GPATCH3: variants seen among roughly 807,000 people sequenced by gnomAD.
The protein encoded by GPATCH3 is G patch domain-containing protein 3.
GPATCH3 carries 45 observed loss-of-function variants against 53.2 expected under a neutral mutation model. The observed-to-expected ratio is 0.85, with a 90% CI of 0.67 to 1.08. The LOEUF (loss-of-function observed/expected upper bound fraction) is 1.08, where lower values mean the gene tolerates loss of function less well. Among genes scored for constraint, GPATCH3 ranks in the 50% least tolerant of loss-of-function variants. The pLI is 0.00. For synonymous variants in GPATCH3, 280 were observed against 270.6 expected (o/e 1.03, Z -0.34); for missense variants, 680 against 687.2 (o/e 0.99, Z 0.12).
At chr1:26,891,324 T>C (rs2081924661) in intron 6 of GPATCH3, 98 bp from the exon 7 acceptor site, 2 of 894,574 alleles carry the variant, frequency 2.2e-6, no homozygotes, top group Non-Finnish European at 3.4e-6. Flanking sequence ...ATCTGGTTTG[T>C]CCAAAGACAG....
rs760675157 is a variant in GPATCH3 at position 26,900,100 on chromosome 1, G to A, written c.343C>T (p.Gln115Ter). ...VISVRGLAQA[Q>*]RLIRMYSGRR... ...CCCGAGTACATGCGAATAAGCCTCT[G>A]AGCTTGAGCCAACCCCCTTACCGAG... The change falls in exon 1 of 7, where the codon CAG becomes TAG. Residue 115 changes from glutamine to a stop codon, truncating the protein, a stop_gained. Transcript: ENST00000361720. LOFTEE classifies it high-confidence loss of function. 1 of 1,614,168 alleles carries A rather than the reference G, an allele frequency of 6.2e-7. No individual in the cohort carries two copies. Among genetic ancestry groups the A allele is most frequent in the Admixed American group, 1.7e-5 (1 of 60,008 alleles).
chr1:26,891,106 G>A lies in GPATCH3; in HGVS notation c.1482C>T (p.Leu494=). Residue 494 remains leucine, a synonymous_variant, in exon 7 of 7, where the codon CTC becomes CTT. Transcript: ENST00000361720. ...TCATGCTGGTGGGTGGCTGGCGGCG[G>A]AGCAGTGACTCCGTCTGGTCTTGGG... The part of the protein sequence containing the change: ...PLPQDQTESL[L]RRQPPTSMKF... The A allele has an allele frequency of 6.2e-7, 1 of 1,614,158 alleles. No homozygotes were observed. Among genetic ancestry groups the A allele is most frequent in the Non-Finnish European group, 8.5e-7 (1 of 1,180,028 alleles).
At chr1:26,893,501 T>A in intron 3 of GPATCH3, 53 bp from the exon 4 acceptor site, 1 of 1,337,370 alleles carries the variant, frequency 7.5e-7, no homozygotes, top group Admixed American at 1.7e-5. Flanking sequence ...CTCAGTTCTA[T>A]TAAGAGTTAA....
At chr1:26,893,112 C>G (rs2081935883) in intron 4 of GPATCH3, among the ~76,000 whole-genome samples, 1 of 152,204 alleles carries the variant, frequency 6.6e-6, no homozygotes, top group South Asian at 2.1e-4. Flanking sequence ...AGAGCCTGAG[C>G]TTCTGACCAG....
intron 2 of GPATCH3, among the ~76,000 whole-genome samples, chr1:26,896,418 G>A (rs886858485): frequency 4.6e-5 from 7 of 151,460 alleles, no homozygotes; most frequent in African/African-American, 1.5e-4. Context: ...TGGGCCTGGC[G>A]CAGTGGGTCA....
chr1:26,892,287 T>G (rs2081931083), intron 6 of GPATCH3, 124 bp downstream of exon 6: 25 of 1,232,650 alleles, frequency 2.0e-5, no homozygotes, highest in Non-Finnish European at 2.8e-5. Flanking sequence ...CTTTTTCCTC[T>G]TAACTGTTTT....
At position 26,897,526 on chromosome 1, in the gene GPATCH3, G is replaced by C. The variant is rs1245951960; in HGVS notation, c.651C>G (p.Thr217=). The change falls in exon 2 of 7, where the codon ACC becomes ACG. Residue 217 remains threonine (T), a synonymous_variant. Transcript: ENST00000361720. ...TCTTGGGGAACTGGAGCTGCAGCTG[G>C]GTGATGATCCGAGGGGGTAGGCGGC... The part of the protein sequence containing the change: ...RACRLPPRII[T]QLQLQFPKTG... 6.2e-7 allele frequency: 1 copy of C among 1,614,098 alleles called. No homozygotes were observed. The highest frequency in any genetic ancestry group is 1.3e-5 in the African/African-American group (1 of 74,924).
Position 26,900,043 on chromosome 1 carries a change from G to C in GPATCH3, c.400C>G (p.Leu134Val). The C allele has an allele frequency of 1.9e-6, 3 of 1,614,202 alleles. No homozygotes were observed. Among genetic ancestry groups the C allele is most frequent in the Non-Finnish European group, 2.5e-6 (3 of 1,180,040 alleles). The change falls in exon 1 of 7, where the codon CTA becomes GTA. Residue 134 changes from leucine (L) to valine (V), a missense_variant. Transcript: ENST00000361720. ...RRWLDSHGTW[L>V]PGRCLIRRLR... ...CTGCGGATGAGACAGCGACCCGGTA[G>C]CCAAGTCCCGTGAGAATCCAGCCAC... is the stretch of plus-strand genomic sequence containing the variant.
Position 26,892,655 on chromosome 1 carries a change from A to C in GPATCH3, c.1233+15T>G. ...AAAGAGAGGGGTCCATGGGGTGGGC[A>C]CAGTGCTAACTCACCTTGGTGTGGC... On this transcript the variant is annotated intron_variant, in intron 5 of 6. Coordinates refer to ENST00000361720, the MANE Select transcript of GPATCH3 (RefSeq NM_022078.3). 1 of 1,614,064 alleles carries C rather than the reference A, an allele frequency of 6.2e-7. No individual in the cohort carries two copies. The highest frequency in any genetic ancestry group is 1.3e-5 in the African/African-American group (1 of 75,050).
intron 2 of GPATCH3, among the ~76,000 whole-genome samples, chr1:26,894,792 A>C (rs1275504509): frequency 6.6e-6 from 1 of 152,146 alleles, no homozygotes; most frequent in African/African-American, 2.4e-5. Context: ...TCCCAATGCT[A>C]ATCAGTACAC....
chr1:26,894,657 AC>A (rs1293942468), intron 2 of GPATCH3, among the ~76,000 whole-genome samples: 1 of 152,008 alleles, frequency 6.6e-6, no homozygotes, highest in Non-Finnish European at 1.5e-5. Flanking sequence ...TGCCTGAAAT[AC>A]CCACTTTCCT....
chr1:26,897,472 C>CCCTCAT lies in GPATCH3; in HGVS notation c.704_705insATGAGG (p.Val235_Pro236insTer). The stretch of plus-strand genomic sequence containing the variant: ...TCTCTGAGTCCTCATACTCAAAAGG[C>CCCTCAT]ACATTGCCGTAGCGCCGGGAGGAAC... On this transcript the variant is annotated stop_gained and inframe_insertion, in exon 2 of 7. Coordinates refer to ENST00000361720, the MANE Select transcript of GPATCH3 (RefSeq NM_022078.3). LOFTEE classifies it high-confidence loss of function. 6.2e-7 allele frequency: 1 copy of CCCTCAT among 1,614,222 alleles called. No individual in the cohort carries two copies.
Position 26,892,535 on chromosome 1 carries a change from T to C in GPATCH3, c.1237A>G (p.Ile413Val), listed in dbSNP as rs748328446. The part of the protein sequence containing the change: ...VGTFERHTKG[I>V]GRKVMERQGW... ...TGCCGCTCCATCACCTTCCGCCCAA[T>C]GCCCTGCAGAGTGAAGGGACAAGAC... The change falls in exon 6 of 7, where the codon ATT (isoleucine) becomes GTT (valine). Residue 413 changes from isoleucine to valine, a missense_variant. By Grantham distance (29) the Ile-to-Val change is conservative. Transcript: ENST00000361720. 2.0e-5 allele frequency: 32 copies of C among 1,611,162 alleles called. No individual in the cohort carries two copies. The African/African-American group carries it at 3.6e-4, about 18-fold the overall frequency.
intron 1 of GPATCH3, 101 bp downstream of exon 1, chr1:26,899,891 T>G: frequency 1.9e-6 from 2 of 1,037,782 alleles, no homozygotes; most frequent in Non-Finnish European, 1.4e-6. Flanking sequence ...ACTAAACTCA[T>G]AGAGTCCTAA....
chr1:26,894,989 G>C (rs2081944383), intron 2 of GPATCH3, among the ~76,000 whole-genome samples: 1 of 152,014 alleles, frequency 6.6e-6, no homozygotes, highest in Non-Finnish European at 1.5e-5. Flanking sequence ...AAAGTTCTTT[G>C]TCCAAAAGAG....
In GPATCH3 at chr1:26,892,719, T is replaced by C; in HGVS notation, c.1184A>G (p.Asp395Gly). ...LEQRLRDGQEDGSVIERQVGT... is the reference protein window; with the variant it reads ...LEQRLRDGQEGGSVIERQVGT... ...CACCTGGCGTTCGATCACAGAGCCA[T>C]CTTCCTGTCCATCTCGGAGTCTCTG... Residue 395 changes from aspartate (D) to glycine (G), a missense_variant, in exon 5 of 7, where the codon GAT becomes GGT. Transcript: ENST00000361720. 6.2e-7 allele frequency: 1 copy of C among 1,614,164 alleles called. No homozygotes were observed. Among genetic ancestry groups the C allele is most frequent in the Non-Finnish European group, 8.5e-7 (1 of 1,180,022 alleles).
chr1:26,891,410 A>G (rs1294421374), intron 6 of GPATCH3, among the ~76,000 whole-genome samples, 184 bp from the exon 7 acceptor site: 2 of 152,038 alleles, frequency 1.3e-5, no homozygotes, highest in African/African-American at 2.4e-5. Context: ...GGGGCCTCAT[A>G]TAAAATTTTC....
At chr1:26,892,840 G>A (rs764534927) in intron 4 of GPATCH3, 49 bp from the exon 5 acceptor site, 6 of 1,598,950 alleles carry the variant, frequency 3.8e-6, no homozygotes, top group Middle Eastern at 1.7e-4. Flanking sequence ...CAAAGAAGGG[G>A]GAAGAATCAG....
Position 26,890,650 on chromosome 1 carries a change from T to C in GPATCH3, c.*360A>G. 1 of 414,658 alleles carries C rather than the reference T, an allele frequency of 2.4e-6. No individual in the cohort carries two copies. Among genetic ancestry groups the C allele is most frequent in the South Asian group, 2.0e-5 (1 of 49,384 alleles). 25.7% of individuals were successfully genotyped at this position (414,658 alleles called of 1,614,324 possible). On this transcript the variant is annotated 3_prime_UTR_variant, in exon 7 of 7. Transcript: ENST00000361720. ...AAATCCTCTCCTCGCCCAGGTCCCT[T>C]TCCCCCTTTCTGGCCTTCGTGGGGA...
Sources: gnomAD v4.1 joint callset for allele counts (sites outside exome capture counted in the v4.1 genomes callset) on GRCh38, gnomAD v4.1.1 for gene constraint, MANE v1.5 for transcripts, NCBI Gene and HGNC (gene_info 2026-07-23, HGNC 2026-07-21) for gene names.